The following VAX1 variants were observed in gnomAD, a reference collection of about 807,000 sequenced individuals.
VAX1 encodes the protein ventral anterior homeobox 1.
Under a neutral mutation model 17.6 loss-of-function variants are expected in VAX1, and 6 were observed. The ratio of observed to expected loss-of-function variants is 0.34; its 90% CI spans 0.19 to 0.67. The LOEUF (loss-of-function observed/expected upper bound fraction) is 0.67, where lower values mean the gene tolerates loss of function less well. Ranked by LOEUF, VAX1 falls within the 30% of genes least tolerant of loss-of-function variation. VAX1 has a pLI of 0.69. For synonymous variants in VAX1, 256 were observed against 227.4 expected, an observed-to-expected ratio of 1.13 and a Z score of -1.13; for missense variants, 408 against 463.7, an observed-to-expected ratio of 0.88 and a Z score of 1.10.
downstream of VAX1, chr10:117,132,402 C>G (rs1401832477): frequency 1.2e-6 from 2 of 1,611,408 alleles, no homozygotes; most frequent in South Asian, 2.2e-5. This position sits in a 1 kb window ranked among gnomAD's most constrained non-coding sequence, Gnocchi z 4.9. Context: ...CCAAAACATT[C>G]AGAACAAAGT....
chr10:117,133,182 C>T (rs1299590571), downstream of VAX1: 18 of 725,524 alleles, frequency 2.5e-5, no homozygotes, highest in Non-Finnish European at 2.9e-5. Flanking sequence ...GTTACAACAC[C>T]CAGAACCTTA....
chr10:117,134,385 G>T lies in VAX1; in HGVS notation c.628C>A (p.Arg210Ser). ...CATGALGSAL[R>S]GPSLPALGAG... ...CCCAGGGCCGGCAAGCTGGGCCCGC[G>T]CAGCGCTGAGCCGAGAGCGCCCGTG... The change falls in exon 3 of 3, where the codon CGC becomes AGC. Residue 210 changes from arginine (R) to serine (S), a missense_variant. Physicochemically the swap from Arg to Ser is moderately radical, Grantham distance 110. Coordinates refer to ENST00000369206, the MANE Select transcript of VAX1 (RefSeq NM_001112704.2). This position sits in a 1 kb window ranked among gnomAD's most constrained non-coding sequence, Gnocchi z 6.2. 1 of 1,362,728 alleles carries T rather than the reference G, an allele frequency of 7.3e-7. No individual in the cohort carries two copies. Among genetic ancestry groups the T allele is most frequent in the South Asian group, 1.6e-5 (1 of 61,334 alleles). 84.4% of individuals were successfully genotyped at this position (1,362,728 alleles called of 1,614,324 possible).
chr10:117,135,492 G>A (rs1402943518), intron 2 of VAX1, among the ~76,000 whole-genome samples: 3 of 152,196 alleles, frequency 2.0e-5, no homozygotes, highest in African/African-American at 7.2e-5. Flanking sequence ...TATAAACTAA[G>A]AGGAGTAGTA....
At chr10:117,129,647 G>GGTGTGTGTGTGTGTGTGTGT (rs60617895), downstream of VAX1, 2 of 146,468 alleles carry the variant, frequency 1.4e-5, no homozygotes, top group Admixed American at 6.8e-5. Flanking sequence ...TTCAAGAAGG[G>GGTGTGTGTGTGTGTGTGTGT]GTGTGTGTGT....
rs545520368 is a variant in VAX1 at position 117,133,679 on chromosome 10, G to A, written c.*329C>T. 2.2e-3 allele frequency: 2,348 copies of A among 1,061,466 alleles called. 2 individuals carry two copies. Among genetic ancestry groups the A allele is most frequent in the Non-Finnish European group, 2.5e-3 (2,174 of 880,380 alleles). 65.8% of individuals were successfully genotyped at this position (1,061,466 alleles called of 1,614,324 possible). On this transcript the variant is annotated 3_prime_UTR_variant, in exon 3 of 3. Transcript: ENST00000369206. ...TAGAGCAAACGTCCTGTGCTTTGGAGTTAGAACCAGTCTTTTCCCTCCTGG... is the reference window on the plus strand; with the variant it reads ...TAGAGCAAACGTCCTGTGCTTTGGAATTAGAACCAGTCTTTTCCCTCCTGG...
At chr10:117,135,607 G>A (rs1854164249) in intron 2 of VAX1, among the ~76,000 whole-genome samples, 2 of 152,326 alleles carry the variant, frequency 1.3e-5, no homozygotes, top group East Asian at 3.9e-4. Flanking sequence ...GACCTAAAAT[G>A]CTCTCCACCT....
chr10:117,129,780 G>A (rs958911744), downstream of VAX1: 1 of 151,976 alleles, frequency 6.6e-6, no homozygotes, highest in African/African-American at 2.4e-5. Flanking sequence ...TTAAGGATGT[G>A]TAAGACCAAA....
rs554140675 is a variant in VAX1 at position 117,134,371 on chromosome 10, C to T, written c.642G>A (p.Leu214=). The change falls in exon 3 of 3, where the codon TTG becomes TTA. Residue 214 remains leucine, a synonymous_variant. Transcript: ENST00000369206. The surrounding 1 kb of genome is among the most constrained non-coding windows in gnomAD (Gnocchi z 6.2). ...CAGCGGCGCCCGCGCCCAGGGCCGG[C>T]AAGCTGGGCCCGCGCAGCGCTGAGC... ...ALGSALRGPS[L]PALGAGAAAG... 1.1e-3 allele frequency: 1,379 copies of T among 1,211,662 alleles called. 4 individuals carry two copies. Among genetic ancestry groups the T allele is most frequent in the Admixed American group, 4.0e-3 (90 of 22,314 alleles). 75.1% of individuals were successfully genotyped at this position (1,211,662 alleles called of 1,614,324 possible).
At chr10:117,131,838 C>T, downstream of VAX1, 1 of 205,550 alleles carries the variant, frequency 4.9e-6, no homozygotes, top group Non-Finnish European at 9.6e-6. Context: ...TTCTCTTTGA[C>T]GATGGCGAGA....
Position 117,136,408 on chromosome 10 carries a change from G to C in VAX1, c.429+64C>G. The C allele has an allele frequency of 6.3e-7, 1 of 1,594,134 alleles. No homozygotes were observed. The highest frequency in any genetic ancestry group is 8.6e-7 in the Non-Finnish European group (1 of 1,169,506). ...GAGCAGGTTAGGAGGTGAAGAGCAG[G>C]CTAGGTAGGGGTGGTGGGGAGGAAG... On this transcript the variant is annotated intron_variant, in intron 2 of 2. Transcript: ENST00000369206. The surrounding 1 kb of genome is among the most constrained non-coding windows in gnomAD (Gnocchi z 5.0).
rs912944057 is a variant in VAX1, at chr10:117,136,002, G to C, written c.429+470C>G. On this transcript the variant is annotated intron_variant, in intron 2 of 2. Coordinates refer to ENST00000369206, the MANE Select transcript of VAX1 (RefSeq NM_001112704.2). The surrounding 1 kb of genome is among the most constrained non-coding windows in gnomAD (Gnocchi z 5.0). ...CACCTAATTCCTGGGAATCACCCATGGTGCTGGGGCAGGGGGTGTTAGATC... is the reference window on the plus strand; with the variant it reads ...CACCTAATTCCTGGGAATCACCCATCGTGCTGGGGCAGGGGGTGTTAGATC... Among the ~76,000 whole-genome samples, 14 of 152,264 alleles carry C rather than the reference G, an allele frequency of 9.2e-5. No homozygotes were observed. The highest frequency in any genetic ancestry group is 3.4e-4 in the African/African-American group (14 of 41,472).
downstream of VAX1, chr10:117,132,415 G>A (rs774627849): frequency 4.3e-6 from 7 of 1,612,172 alleles, no homozygotes; most frequent in South Asian, 1.1e-5. This position sits in a 1 kb window ranked among gnomAD's most constrained non-coding sequence, Gnocchi z 4.9. Flanking sequence ...AACAAAGTTA[G>A]TAGCCTGGAT....
Position 117,134,560 on chromosome 10 carries a change from C to G in VAX1, c.453G>C (p.Arg151=). 6.6e-7 allele frequency: 1 copy of G among 1,526,676 alleles called. No homozygotes were observed. Among genetic ancestry groups the G allele is most frequent in the Non-Finnish European group, 8.8e-7 (1 of 1,138,140 alleles). 94.6% of individuals were successfully genotyped at this position (1,526,676 alleles called of 1,614,324 possible). Reference sequence around the variant, plus strand: ...CCTGGTCCTTCTTCTGCTTGGTGCGCCGGTTCTGGAACCAGACCTTCACCT... The same window carrying G: ...CCTGGTCCTTCTTCTGCTTGGTGCGGCGGTTCTGGAACCAGACCTTCACCT... ...ETQVKVWFQN[R]RTKQKKDQGK... Residue 151 remains arginine (R), a synonymous_variant, in exon 3 of 3, where the codon CGG becomes CGC. Coordinates refer to ENST00000369206, the MANE Select transcript of VAX1 (RefSeq NM_001112704.2). This position sits in a 1 kb window ranked among gnomAD's most constrained non-coding sequence, Gnocchi z 6.2.
chr10:117,132,623 C>T (rs1854104216), downstream of VAX1: 3 of 984,040 alleles, frequency 3.0e-6, no homozygotes, highest in Non-Finnish European at 4.4e-6. The surrounding 1 kb of genome is among the most constrained non-coding windows in gnomAD (Gnocchi z 4.9). Context: ...CAGTCTGGGT[C>T]TGTGATTTTG....
rs532689159 is a variant in VAX1, at chr10:117,138,189, C to G, written c.-133G>C. 1 of 1,098,284 alleles carries G rather than the reference C, an allele frequency of 9.1e-7. No individual in the cohort carries two copies. The highest frequency in any genetic ancestry group is 1.6e-5 in the African/African-American group (1 of 62,388). The allele number at this position is 1,098,284 out of a possible 1,614,324, so 68.0% of individuals were successfully genotyped here. On this transcript the variant is annotated 5_prime_UTR_variant, in exon 1 of 3. Transcript: ENST00000369206. ...GACAACGCGGCCCGTACGCCCGGCC[C>G]GGCGACAGGCAAGGGGCAAGAATGA...
downstream of VAX1, among the ~76,000 whole-genome samples, chr10:117,133,026 C>T (rs1292567567): frequency 6.6e-6 from 1 of 152,234 alleles, no homozygotes; most frequent in African/African-American, 2.4e-5. Context: ...CGCAGGCTAC[C>T]GCCGGCAGCC....
chr10:117,129,945 A>G (rs547402147), downstream of VAX1: 1 of 152,264 alleles, frequency 6.6e-6, no homozygotes, highest in South Asian at 2.1e-4. Context: ...ATGGCTAGAT[A>G]TGGACATTAG....
Position 117,138,087 on chromosome 10 carries a change from A to AT in VAX1, c.-32_-31insA. The AT allele has an allele frequency of 1.5e-6, 1 of 650,602 alleles. No individual in the cohort carries two copies. Among genetic ancestry groups the AT allele is most frequent in the South Asian group, 1.6e-5 (1 of 62,424 alleles). 40.3% of individuals were successfully genotyped at this position (650,602 alleles called of 1,614,324 possible). ...AGAACAACAACAAAAACAGAAAGGA[A>AT]AAAAAAAGCAAAAAAAAAAAAAAGG... On this transcript the variant is annotated 5_prime_UTR_variant, in exon 1 of 3. Transcript: ENST00000369206.
rs1385340882 is a variant in VAX1, at chr10:117,134,208, C to T, written c.805G>A (p.Gly269Ser). ...ACCGGCAGGCTGAAGAGGCTGTGGC[C>T]CGCGGCCGGGGCGCCTGCGTGCAAT... ...GGLHAGAPAA[G>S]HSLFSLPVPS... The change falls in exon 3 of 3, where the codon GGC becomes AGC. Residue 269 changes from glycine to serine, a missense_variant. This residue lies in a region of VAX1 where 196 missense variants were observed against 218.7 expected (regional missense o/e 0.90). Transcript: ENST00000369206. This position sits in a 1 kb window ranked among gnomAD's most constrained non-coding sequence, Gnocchi z 6.2. The T allele has an allele frequency of 6.8e-7, 1 of 1,475,068 alleles. No individual in the cohort carries two copies. The highest frequency in any genetic ancestry group is 2.8e-5 in the Admixed American group (1 of 35,650). The allele number at this position is 1,475,068 out of a possible 1,614,324, so 91.4% of individuals were successfully genotyped here. A position where few individuals can be genotyped will look rare whatever the true frequency, so the allele number is the denominator to read the frequency against.
Sources: gnomAD v4.1 joint callset for allele counts (sites outside exome capture counted in the v4.1 genomes callset) on GRCh38, gnomAD v4.1.1 for gene constraint, gnomAD v4.1.1 regional missense constraint, Gnocchi (gnomAD v3.1) non-coding constraint, MANE v1.5 for transcripts, NCBI Gene and HGNC (gene_info 2026-07-23, HGNC 2026-07-21) for gene names.